LTBP1: variants seen among roughly 807,000 people sequenced by gnomAD.
LTBP1 encodes latent transforming growth factor beta binding protein 1.
Under a neutral mutation model 207.6 loss-of-function variants are expected in LTBP1, and 129 were observed. That is an observed-to-expected ratio of 0.62 (90% CI 0.54 to 0.72). LTBP1 has a LOEUF of 0.72. Among genes scored for constraint, LTBP1 ranks in the 30% least tolerant of loss-of-function variants. LTBP1 has a pLI of 0.00. For missense variants in LTBP1, 2,281 were observed against 2,217.2 expected (o/e 1.03, Z -0.58); for synonymous variants, 963 against 833.7 (o/e 1.16, Z -2.67).
chr2:33,305,758 C>A (rs758740960), intron 22 of LTBP1, among the ~76,000 whole-genome samples: 4 of 152,000 alleles, frequency 2.6e-5, no homozygotes, highest in Non-Finnish European at 5.9e-5. Context: ...TGGGTAAGAA[C>A]CAGCAAAGGA....
rs191663176 is a variant in LTBP1 at position 32,999,420 on chromosome 2, C to T, written c.566-21489C>T. Among the ~76,000 whole-genome samples the T allele has an allele frequency of 9.4e-4, 75 of 79,464 alleles. 16 individuals carry two copies. In the Admixed American group the frequency reaches 0.01, roughly 11 times the overall value. 52.1% of individuals were successfully genotyped at this position (79,464 alleles called of 152,430 possible). ...AGACATGGTGTGTGGAGACCCCGGTCTAAGAGTTGGTGCCTAGATTGGAGC... is the reference window on the plus strand; with the variant it reads ...AGACATGGTGTGTGGAGACCCCGGTTTAAGAGTTGGTGCCTAGATTGGAGC... On this transcript the variant is annotated intron_variant, in intron 2 of 33. Coordinates refer to ENST00000404816, the MANE Select transcript of LTBP1 (RefSeq NM_206943.4).
At chr2:33,363,633 G>C (rs561559839) in intron 29 of LTBP1, 115 bp downstream of exon 29, 1 of 1,194,596 alleles carries the variant, frequency 8.4e-7, no homozygotes, top group Non-Finnish European at 1.1e-6. Flanking sequence ...TTGAAAAGAT[G>C]TGTAAACGTT....
intron 7 of LTBP1, among the ~76,000 whole-genome samples, chr2:33,201,640 AAAAG>A (rs143240993): frequency 0.15 from 22,589 of 150,208 alleles, 2,142 homozygotes; most frequent in East Asian, 0.29. Flanking sequence ...ATAATAAAAA[AAAAG>A]AAGAAGAAAA....
rs113775727 is a variant in LTBP1 at position 33,171,273 on chromosome 2, G to A, written c.1202-15583G>A. 9.6e-3 allele frequency among the ~76,000 whole-genome samples: 1,216 copies of A among 127,232 alleles called. 23 individuals are homozygous for A. The highest frequency in any genetic ancestry group is 0.035 in the African/African-American group (1,144 of 32,736). The allele number at this position is 127,232 out of a possible 152,430, so 83.5% of individuals were successfully genotyped here. A position where few individuals can be genotyped will look rare whatever the true frequency, so the allele number is the denominator to read the frequency against. ...TGAAAACTTTGAAAAAAATTTAGAC[G>A]AATGTATAACTAGAATAACCAATAC... is the stretch of plus-strand genomic sequence containing the variant. On this transcript the variant is annotated intron_variant, in intron 5 of 33. Coordinates refer to ENST00000404816, the MANE Select transcript of LTBP1 (RefSeq NM_206943.4).
chr2:33,273,633 C>T, intron 15 of LTBP1, 23 bp from the exon 16 acceptor site: 3 of 1,576,346 alleles, frequency 1.9e-6, no homozygotes, highest in East Asian at 2.3e-5. Flanking sequence ...GGTTTTTTCA[C>T]ATTATTTTAT....
At chr2:33,394,977 A>ATG in intron 32 of LTBP1, among the ~76,000 whole-genome samples, 1 of 152,298 alleles carries the variant, frequency 6.6e-6, no homozygotes, top group East Asian at 1.9e-4. Flanking sequence ...AGCTCCATCC[A>ATG]TGTTCCTGCA....
chr2:33,352,346 G>A (rs982856726), intron 26 of LTBP1, among the ~76,000 whole-genome samples: 5 of 152,062 alleles, frequency 3.3e-5, no homozygotes, highest in South Asian at 2.1e-4. Flanking sequence ...TGGTCAGGCT[G>A]ATCTCGAACT....
chr2:33,115,051 C>T (rs1305082187), intron 4 of LTBP1, among the ~76,000 whole-genome samples: 8 of 150,626 alleles, frequency 5.3e-5, no homozygotes, highest in East Asian at 3.9e-4. Context: ...CACACACACA[C>T]ACACACACAC....
chr2:33,133,903 T>C (rs2081971269), intron 4 of LTBP1, among the ~76,000 whole-genome samples: 1 of 152,188 alleles, frequency 6.6e-6, no homozygotes, highest in Non-Finnish European at 1.5e-5. Flanking sequence ...TAAACCAGGA[T>C]ATACTTTTAG....
chr2:33,138,192 G>A (rs186853389), intron 5 of LTBP1, among the ~76,000 whole-genome samples: 1 of 152,314 alleles, frequency 6.6e-6, no homozygotes, highest in Admixed American at 6.5e-5. Context: ...CTTTCCAGGT[G>A]TGAAAGGCAG....
At chr2:33,180,410 T>A (rs2086499966) in intron 5 of LTBP1, among the ~76,000 whole-genome samples, 1 of 151,914 alleles carries the variant, frequency 6.6e-6, no homozygotes, top group Non-Finnish European at 1.5e-5. Context: ...GCATACCGAA[T>A]GAAAAGGCAA....
intron 31 of LTBP1, among the ~76,000 whole-genome samples, chr2:33,378,829 A>C (rs1400708406): frequency 1.3e-5 from 2 of 152,230 alleles, no homozygotes; most frequent in Non-Finnish European, 2.9e-5. Flanking sequence ...CGGGCAGAGG[A>C]GGGATGAAGT....
At chr2:33,137,184 C>T (rs1265650331) in intron 5 of LTBP1, among the ~76,000 whole-genome samples, 1 of 152,056 alleles carries the variant, frequency 6.6e-6, no homozygotes, top group East Asian at 1.9e-4. Context: ...CTTTTTGGGA[C>T]TTTACTGGTT....
At chr2:33,320,378 A>C (rs2094336877) in intron 24 of LTBP1, among the ~76,000 whole-genome samples, 2 of 151,496 alleles carry the variant, frequency 1.3e-5, no homozygotes, top group African/African-American at 4.9e-5. Context: ...AAAGAAAAAA[A>C]AGCGTGATAA....
intron 23 of LTBP1, 71 bp from the exon 24 acceptor site, chr2:33,315,073 C>A: frequency 1.7e-6 from 2 of 1,209,442 alleles, no homozygotes; most frequent in South Asian, 2.9e-5. Context: ...ATTTATTTGC[C>A]ATCTGTTTGA....
chr2:33,393,698 A>G (rs1277381442), intron 32 of LTBP1, among the ~76,000 whole-genome samples: 2 of 152,154 alleles, frequency 1.3e-5, no homozygotes, highest in South Asian at 2.1e-4. Context: ...TTATTGATGG[A>G]CATTTGGGTT....
At chr2:32,988,142 G>A (rs1223294630) in intron 2 of LTBP1, among the ~76,000 whole-genome samples, 1 of 152,184 alleles carries the variant, frequency 6.6e-6, no homozygotes, top group East Asian at 1.9e-4. Context: ...TGTGGCCCTG[G>A]TGAAACCTTG....
chr2:33,259,893 G>GA (rs1187339761), intron 13 of LTBP1, among the ~76,000 whole-genome samples: 4 of 152,096 alleles, frequency 2.6e-5, no homozygotes, highest in African/African-American at 7.2e-5. Flanking sequence ...AAACTAATGG[G>GA]AATCAAGGGC....
At chr2:33,198,380 C>T (rs1283410262) in intron 7 of LTBP1, among the ~76,000 whole-genome samples, 23 of 152,164 alleles carry the variant, frequency 1.5e-4, no homozygotes, top group Admixed American at 1.5e-3. Context: ...GTGTCTCTGC[C>T]TGGCTTTGGT....
Sources: gnomAD v4.1 joint callset for allele counts (sites outside exome capture counted in the v4.1 genomes callset) on GRCh38, gnomAD v4.1.1 for gene constraint, MANE v1.5 for transcripts, NCBI Gene and HGNC (gene_info 2026-07-23, HGNC 2026-07-21) for gene names.